VIPAS39: variants seen among roughly 807,000 people sequenced by gnomAD.
VIPAS39 encodes the protein spermatogenesis-defective protein 39 homolog.
A neutral mutation model predicts 84.7 loss-of-function variants in VIPAS39; 63 were observed. That is an observed-to-expected ratio of 0.74 (90% CI 0.61 to 0.92). The LOEUF is 0.92. Ranked by LOEUF, VIPAS39 falls within the 40% of genes least tolerant of loss-of-function variation. VIPAS39 has a pLI of 0.00. For synonymous variants in VIPAS39, 192 were observed against 216.5 expected (o/e 0.89, Z 0.99); for missense variants, 499 against 604.5 (o/e 0.83, Z 1.83).
Position 77,453,441 on chromosome 14 carries a change from T to C in VIPAS39, c.94-40A>G, listed in dbSNP as rs762873938. 1.0e-5 allele frequency: 16 copies of C among 1,579,448 alleles called. No homozygotes were observed. In the South Asian group the frequency reaches 1.7e-4, roughly 16 times the overall value. On this transcript the variant is annotated intron_variant, in intron 2 of 19. Transcript: ENST00000557658. ...AAGGCTAGGGTGCTCAGGCAAATCATCATTTCCCACCTCTCTTCTGACAAT... is the reference window on the plus strand; with the variant it reads ...AAGGCTAGGGTGCTCAGGCAAATCACCATTTCCCACCTCTCTTCTGACAAT...
intron 8 of VIPAS39, among the ~76,000 whole-genome samples, chr14:77,443,513 C>T (rs1352674544): frequency 1.3e-5 from 2 of 152,142 alleles, no homozygotes; most frequent in Non-Finnish European, 2.9e-5. Flanking sequence ...CTTTGGGAGG[C>T]TAAGGCAGGG....
At chr14:77,432,226 C>T (rs2078534657) in intron 16 of VIPAS39, among the ~76,000 whole-genome samples, 3 of 151,608 alleles carry the variant, frequency 2.0e-5, no homozygotes, top group African/African-American at 7.3e-5. Context: ...TAAGTATATA[C>T]AATATATAAT....
intron 15 of VIPAS39, 58 bp downstream of exon 15, chr14:77,434,204 C>A: frequency 1.3e-6 from 2 of 1,519,976 alleles, no homozygotes; most frequent in Non-Finnish European, 1.8e-6. Flanking sequence ...AAAGCAACAT[C>A]CACTCCATGT....
At chr14:77,432,786 G>A (rs1308036565) in intron 16 of VIPAS39, among the ~76,000 whole-genome samples, 1 of 152,132 alleles carries the variant, frequency 6.6e-6, no homozygotes, top group Non-Finnish European at 1.5e-5. Context: ...TAGTTATGCA[G>A]GATGAATAAA....
At chr14:77,434,033 T>C (rs956087772) in intron 15 of VIPAS39, 102 bp from the exon 16 acceptor site, 20 of 1,382,316 alleles carry the variant, frequency 1.4e-5, no homozygotes, top group African/African-American at 4.3e-5. Context: ...TTCCTGATAT[T>C]GACTCTGCCC....
chr14:77,442,737 A>T, intron 9 of VIPAS39, 75 bp from the exon 10 acceptor site: 1 of 1,281,024 alleles, frequency 7.8e-7, no homozygotes, highest in Non-Finnish European at 1.1e-6. Context: ...CTCCCTACTC[A>T]CACATTCCAA....
intron 6 of VIPAS39, 97 bp from the exon 7 acceptor site, chr14:77,448,647 G>C: frequency 7.7e-7 from 1 of 1,305,012 alleles, no homozygotes; most frequent in Non-Finnish European, 1.1e-6. Context: ...GTGTCTAAGG[G>C]GGAAATAATT....
At chr14:77,457,302 A>G in intron 1 of VIPAS39, 193 bp downstream of exon 1, 4 of 1,535,682 alleles carry the variant, frequency 2.6e-6, no homozygotes, top group Non-Finnish European at 3.5e-6. Flanking sequence ...CTTCCGAACC[A>G]ATCGCTGGTG....
Position 77,433,905 on chromosome 14 carries a change from T to C in VIPAS39, c.1116A>G (p.Thr372=). The change falls in exon 16 of 20, where the codon ACA becomes ACG. Residue 372 remains threonine (T), a synonymous_variant. Transcript: ENST00000557658. The stretch of plus-strand genomic sequence containing the variant: ...GAAGCTTGGCACGAGCAGCCAGGGC[T>C]GTCAGCACATACTGTTTATCTGGGA... ...FKIPDKQYVL[T]ALAARAKLRA... 6.2e-7 allele frequency: 1 copy of C among 1,614,084 alleles called. No homozygotes were observed. The highest frequency in any genetic ancestry group is 1.1e-5 in the South Asian group (1 of 91,070).
At chr14:77,429,543 C>T in intron 17 of VIPAS39, 138 bp downstream of exon 17, 1 of 898,442 alleles carries the variant, frequency 1.1e-6, no homozygotes, top group Non-Finnish European at 1.9e-6. Context: ...CCTTTTCTGT[C>T]TTGAGGCCTA....
chr14:77,446,090 A>C lies in VIPAS39; in HGVS notation c.505-1749T>G, dbSNP rs1157947199. On this transcript the variant is annotated intron_variant, in intron 7 of 19. Transcript: ENST00000557658. Reference sequence around the variant, plus strand: ...AAAATAAAAGTTTTAAATTTTGATGAAGTCCATTTTATCAATTTTTTCATT... The same window carrying C: ...AAAATAAAAGTTTTAAATTTTGATGCAGTCCATTTTATCAATTTTTTCATT... Among the ~76,000 whole-genome samples the C allele has an allele frequency of 2.0e-5, 3 of 152,032 alleles. No individual in the cohort carries two copies. The East Asian group carries it at 5.8e-4, about 29-fold the overall frequency.
At chr14:77,449,902 AGTGCCATT>A in intron 4 of VIPAS39, 150 bp from the exon 5 acceptor site, 1 of 969,160 alleles carries the variant, frequency 1.0e-6, no homozygotes. Context: ...AGAAATCTGA[AGTGCCATT>A]AAAAAATGGA....
At chr14:77,435,537 G>C (rs2078597134) in intron 13 of VIPAS39, 144 bp from the exon 14 acceptor site, 1 of 1,165,720 alleles carries the variant, frequency 8.6e-7, no homozygotes, top group Admixed American at 2.7e-5. Context: ...AATTGCCTAG[G>C]ATATCCCCAG....
chr14:77,441,463 C>G (rs2139815169), intron 10 of VIPAS39, among the ~76,000 whole-genome samples: 1 of 152,064 alleles, frequency 6.6e-6, no homozygotes, highest in South Asian at 2.1e-4. Flanking sequence ...TTTTCATGGA[C>G]AGAGTACAAT....
At chr14:77,434,398 A>G in intron 14 of VIPAS39, 95 bp from the exon 15 acceptor site, 5 of 1,113,252 alleles carry the variant, frequency 4.5e-6, no homozygotes, top group Non-Finnish European at 6.8e-6. Flanking sequence ...GACTTTCTAC[A>G]TCTTACTCTG....
chr14:77,454,581 G>A (rs964528669), intron 1 of VIPAS39, among the ~76,000 whole-genome samples: 2 of 151,668 alleles, frequency 1.3e-5, no homozygotes, highest in African/African-American at 4.8e-5. Context: ...GGCTGAGGCA[G>A]GAGAATCGCT....
chr14:77,441,305 CT>C, intron 10 of VIPAS39: 1 of 542,082 alleles, frequency 1.8e-6, no homozygotes, highest in Non-Finnish European at 3.3e-6. Context: ...GAACTAATAA[CT>C]TTGTTAACAG....
intron 7 of VIPAS39, among the ~76,000 whole-genome samples, chr14:77,445,644 T>G (rs12892329): frequency 0.17 from 25,799 of 152,058 alleles, 2,467 homozygotes; most frequent in Middle Eastern, 0.28. Context: ...AATAAAAGTT[T>G]TATATATATT....
chr14:77,441,034 A>G (rs1380239990), intron 11 of VIPAS39, 32 bp downstream of exon 11: 4 of 1,611,974 alleles, frequency 2.5e-6, no homozygotes, highest in Non-Finnish European at 2.5e-6. Flanking sequence ...TCTGTTAAAC[A>G]GGTACCCAAC....
Sources: allele counts gnomAD v4.1 joint callset (sites outside exome capture counted in the v4.1 genomes callset), GRCh38; gene constraint gnomAD v4.1.1; transcripts MANE v1.5; gene names NCBI Gene and HGNC (gene_info 2026-07-23, HGNC 2026-07-21).